MIS18BP1: variants seen among roughly 807,000 people sequenced by gnomAD.
MIS18BP1 encodes MIS18 binding protein 1.
Under a neutral mutation model 116.1 loss-of-function variants are expected in MIS18BP1, and 72 were observed. The observed-to-expected ratio is 0.62, with a 90% confidence interval of 0.51 to 0.75. The LOEUF is 0.75. Among genes scored for constraint, MIS18BP1 ranks in the 30% least tolerant of loss-of-function variants. The probability of loss-of-function intolerance (pLI) is 0.00; values close to 1 mark genes in which losing one functional copy is unlikely to be tolerated. For synonymous variants in MIS18BP1, 386 were observed against 427.0 expected, an observed-to-expected ratio of 0.90 and a Z score of 1.18; for missense variants, 1,363 against 1,303.2, an observed-to-expected ratio of 1.05 and a Z score of -0.71.
In MIS18BP1 at chr14:45,247,084, G is replaced by T; in HGVS notation, c.203C>A (p.Thr68Asn). 1 of 1,612,376 alleles carries T rather than the reference G, an allele frequency of 6.2e-7. No individual in the cohort carries two copies. Among genetic ancestry groups the T allele is most frequent in the Non-Finnish European group, 8.5e-7 (1 of 1,179,626 alleles). Reference sequence around the variant, plus strand: ...TTGAAATATATTTTTATTGTTAAAAGTTGTCATTTTTAGGAACTGATTCTT... The same window carrying T: ...TTGAAATATATTTTTATTGTTAAAATTTGTCATTTTTAGGAACTGATTCTT... The part of the protein sequence containing the change: ...HKKNQFLKMT[T>N]FNNKNIFQST... The change falls in exon 2 of 17, where the codon ACT becomes AAT. Residue 68 changes from threonine (T) to asparagine (N), a missense_variant. Coordinates refer to ENST00000310806, the MANE Select transcript of MIS18BP1 (RefSeq NM_018353.5).
intron 12 of MIS18BP1, among the ~76,000 whole-genome samples, chr14:45,217,802 G>C (rs1417742745): frequency 6.6e-6 from 1 of 152,054 alleles, no homozygotes; most frequent in Non-Finnish European, 1.5e-5. Flanking sequence ...CTAATTTATT[G>C]ATTTTGCCAA....
chr14:45,240,746 A>AG (rs1418391479), intron 4 of MIS18BP1, among the ~76,000 whole-genome samples: 1 of 152,072 alleles, frequency 6.6e-6, no homozygotes, highest in Non-Finnish European at 1.5e-5. Context: ...TCCAAAAAAA[A>AG]AAAAATTTAG....
In MIS18BP1 at chr14:45,231,270, T is replaced by C. The variant is rs759161637; in HGVS notation, c.1465A>G (p.Lys489Glu). Residue 489 changes from lysine to glutamate, a missense_variant, in exon 8 of 17, where the codon AAA (lysine) becomes GAA (glutamate). Physicochemically the swap from Lys to Glu is moderately conservative, Grantham distance 56. Transcript: ENST00000310806. Reference protein sequence around the residue: ...RAGEKNREKTKQKQKTGRSVR... With the variant: ...RAGEKNREKTEQKQKTGRSVR... ...GATCTTCCAGTTTTCTGTTTTTGTT[T>C]GGTCTTTTCCCTGTTCTTTTCACCA... is the stretch of plus-strand genomic sequence containing the variant. The C allele has an allele frequency of 1.4e-5, 23 of 1,612,284 alleles. No homozygotes were observed. Among genetic ancestry groups the C allele is most frequent in the Non-Finnish European group, 1.8e-5 (21 of 1,179,066 alleles).
chr14:45,226,432 A>G (rs1040359567), intron 10 of MIS18BP1, among the ~76,000 whole-genome samples: 3 of 152,306 alleles, frequency 2.0e-5, no homozygotes, highest in Admixed American at 6.5e-5. Context: ...TTATTGTACT[A>G]AATTCATAAA....
Position 45,224,448 on chromosome 14 carries a change from A to G in MIS18BP1, c.2139T>C (p.Asp713=), listed in dbSNP as rs772545626. The G allele has an allele frequency of 1.9e-5, 30 of 1,613,712 alleles. No homozygotes were observed. The East Asian group carries it at 4.2e-4, about 23-fold the overall frequency. ...FEGHKSKNKE[D]CDERDLLTVN... is the part of the protein sequence containing the mutation. ...CAGTAAGTAAGTCACGTTCATCGCAATCTTCCTTGTTTTTACTTTTATGAC... is the reference window on the plus strand; with the variant it reads ...CAGTAAGTAAGTCACGTTCATCGCAGTCTTCCTTGTTTTTACTTTTATGAC... Residue 713 remains aspartate, a synonymous_variant, in exon 11 of 17, where the codon GAT becomes GAC. Coordinates refer to ENST00000310806, the MANE Select transcript of MIS18BP1 (RefSeq NM_018353.5).
In MIS18BP1 at chr14:45,242,481, C is replaced by A; in HGVS notation, c.696G>T (p.Leu232Phe). 3.8e-6 allele frequency: 6 copies of A among 1,592,160 alleles called. No homozygotes were observed. Among genetic ancestry groups the A allele is most frequent in the Non-Finnish European group, 5.1e-6 (6 of 1,173,780 alleles). The change falls in exon 4 of 17, where the codon TTG becomes TTT. Residue 232 changes from leucine to phenylalanine, a missense_variant. Physicochemically the swap from Leu to Phe is conservative, Grantham distance 22. Coordinates refer to ENST00000310806, the MANE Select transcript of MIS18BP1 (RefSeq NM_018353.5). ...PTLNQEQENF[L>F]AVEARNKTLT... ...ATGTCTTGTTTCGGGCTTCTACAGCCAAAAAATTTTCCTGTTCTTGGTTCA... is the reference window on the plus strand; with the variant it reads ...ATGTCTTGTTTCGGGCTTCTACAGCAAAAAAATTTTCCTGTTCTTGGTTCA...
rs1352459442 is a variant in MIS18BP1 at position 45,210,419 on chromosome 14, C to T, written c.3113G>A (p.Cys1038Tyr). Residue 1038 changes from cysteine to tyrosine, a missense_variant, in exon 14 of 17, where the codon TGT (cysteine) becomes TAT (tyrosine). Transcript: ENST00000310806. The stretch of plus-strand genomic sequence containing the variant: ...TAGCATGCCAGGACTGACATGCTGA[C>T]ATTGAGGAGTTTTTACCAATGGAAA... ...VIFPLVKTPQ[C>Y]QHVSPGMLGS... 6.2e-7 allele frequency: 1 copy of T among 1,613,974 alleles called. No individual in the cohort carries two copies. The highest frequency in any genetic ancestry group is 2.2e-5 in the East Asian group (1 of 44,856).
intron 1 of MIS18BP1, among the ~76,000 whole-genome samples, chr14:45,251,229 C>T (rs1204522415): frequency 1.3e-5 from 2 of 151,940 alleles, no homozygotes; most frequent in African/African-American, 4.8e-5. Context: ...CATTGTGTTA[C>T]AACTGCCAAC....
intron 8 of MIS18BP1, among the ~76,000 whole-genome samples, chr14:45,228,827 A>C (rs1174237817): frequency 6.6e-6 from 1 of 152,238 alleles, no homozygotes; most frequent in African/African-American, 2.4e-5. Flanking sequence ...ACTATGATAC[A>C]CAAGTACTTT....
At chr14:45,214,262 G>A (rs1566804168) in intron 13 of MIS18BP1, among the ~76,000 whole-genome samples, 2 of 152,356 alleles carry the variant, frequency 1.3e-5, no homozygotes, top group Admixed American at 1.3e-4. Flanking sequence ...AAACCCGACT[G>A]TATGTTCTAT....
intron 7 of MIS18BP1, chr14:45,232,395 C>T (rs1422235924): frequency 2.0e-4 from 43 of 220,024 alleles, no homozygotes; most frequent in Middle Eastern, 2.0e-3. Flanking sequence ...CCAGCCTGGG[C>T]GACAGAGCCA....
chr14:45,236,511 A>G (rs1266889615), intron 5 of MIS18BP1, among the ~76,000 whole-genome samples: 7 of 152,186 alleles, frequency 4.6e-5, no homozygotes, highest in Non-Finnish European at 7.4e-5. Context: ...AAAAATATGA[A>G]GATGTATTAG....
intron 13 of MIS18BP1, among the ~76,000 whole-genome samples, chr14:45,211,660 A>G (rs1380068168): frequency 6.6e-6 from 1 of 152,108 alleles, no homozygotes; most frequent in African/African-American, 2.4e-5. Flanking sequence ...GCTGGTTACA[A>G]TTTTTGGTGG....
chr14:45,245,616 G>A (rs967391657), intron 2 of MIS18BP1, among the ~76,000 whole-genome samples: 2 of 151,986 alleles, frequency 1.3e-5, no homozygotes, highest in South Asian at 4.2e-4. Context: ...CACTTGCCTC[G>A]GCCTCTCAAA....
Position 45,224,582 on chromosome 14 carries a change from T to G in MIS18BP1, c.2005A>C (p.Asn669His), listed in dbSNP as rs769027024. 2 of 1,613,794 alleles carry G rather than the reference T, an allele frequency of 1.2e-6. No individual in the cohort carries two copies. Among genetic ancestry groups the G allele is most frequent in the Non-Finnish European group, 1.7e-6 (2 of 1,179,894 alleles). Reference sequence around the variant, plus strand: ...GCTTTGATGGTGCCAGCGGACAGATTATACCTCATGCATCTTTGCTCTATC... The same window carrying G: ...GCTTTGATGGTGCCAGCGGACAGATGATACCTCATGCATCTTTGCTCTATC... ...KVIEQRCMRY[N>H]LSAGTIKAVT... Residue 669 changes from asparagine to histidine, a missense_variant, in exon 11 of 17, where the codon AAT (asparagine) becomes CAT (histidine). Physicochemically the swap from Asn to His is moderately conservative, Grantham distance 68. Coordinates refer to ENST00000310806, the MANE Select transcript of MIS18BP1 (RefSeq NM_018353.5).
chr14:45,211,913 CA>C (rs1180196117), intron 13 of MIS18BP1, among the ~76,000 whole-genome samples: 21 of 152,234 alleles, frequency 1.4e-4, no homozygotes, highest in Non-Finnish European at 1.5e-4. Context: ...GAGAATGTGA[CA>C]TTTTGAAGAA....
chr14:45,248,054 C>CTT (rs1891769661), intron 1 of MIS18BP1, among the ~76,000 whole-genome samples: 1 of 108,756 alleles, frequency 9.2e-6, no homozygotes, highest in Non-Finnish European at 1.9e-5. Context: ...TTGTTTCTTT[C>CTT]GTTTTTTTTT....
chr14:45,244,784 T>C (rs1025133014), intron 2 of MIS18BP1, among the ~76,000 whole-genome samples: 1 of 152,208 alleles, frequency 6.6e-6, no homozygotes, highest in Non-Finnish European at 1.5e-5. Flanking sequence ...ACTTTACTTA[T>C]TTCAAATTAT....
chr14:45,211,681 G>A (rs149040651), intron 13 of MIS18BP1, among the ~76,000 whole-genome samples: 56 of 152,252 alleles, frequency 3.7e-4, no homozygotes, highest in African/African-American at 1.3e-3. Flanking sequence ...CCCATACAGG[G>A]AGCCCTGTGT....
Sources: allele counts gnomAD v4.1 joint callset (sites outside exome capture counted in the v4.1 genomes callset), GRCh38; gene constraint gnomAD v4.1.1; transcripts MANE v1.5; gene names NCBI Gene and HGNC (gene_info 2026-07-23, HGNC 2026-07-21).